Variants in VWA3B observed in about 807,000 individuals in gnomAD.
VWA3B encodes the protein von Willebrand factor A domain containing 3B.
Under a neutral mutation model 158.3 loss-of-function variants are expected in VWA3B, and 138 were observed. The observed-to-expected ratio is 0.87, with a 90% CI of 0.76 to 1.00. VWA3B has a LOEUF of 1.00. Among genes scored for constraint, VWA3B ranks in the 50% least tolerant of loss-of-function variants. VWA3B has a pLI of 0.00. For synonymous variants in VWA3B, 596 were observed against 587.3 expected, an observed-to-expected ratio of 1.01 and a Z score of -0.21; for missense variants, 1,555 against 1,565.1, an observed-to-expected ratio of 0.99 and a Z score of 0.11.
chr2:98,289,840 A>T (rs1189975126), intron 22 of VWA3B, among the ~76,000 whole-genome samples: 1 of 152,016 alleles, frequency 6.6e-6, no homozygotes, highest in African/African-American at 2.4e-5. Flanking sequence ...TGCATATGTA[A>T]TTTTTCTTTA....
At chr2:98,327,838 G>A in the VWA3B span, among the ~76,000 whole-genome samples, 10 of 152,254 alleles carry the variant, frequency 6.6e-5, no homozygotes, top group African/African-American at 1.4e-4. Flanking sequence ...ACAAGCATAC[G>A]TTCAGCCATT....
At position 98,228,327 on chromosome 2, in the gene VWA3B, C is replaced by T; in HGVS notation, c.2145C>T (p.Asp715=). The change falls in exon 15 of 28, where the codon GAC becomes GAT. Residue 715 remains aspartate (D), a synonymous_variant. Coordinates refer to ENST00000477737, the MANE Select transcript of VWA3B (RefSeq NM_144992.5). The part of the protein sequence containing the change: ...DWWYNAEKDG[D]SKHQKEICSM... ...GGTACAATGCAGAAAAGGATGGAGA[C>T]AGCAAGTGAGCACCTCTGCCCGCCT... is the stretch of plus-strand genomic sequence containing the variant. The T allele has an allele frequency of 6.2e-7, 1 of 1,612,680 alleles. No individual in the cohort carries two copies. Among genetic ancestry groups the T allele is most frequent in the Non-Finnish European group, 8.5e-7 (1 of 1,179,190 alleles).
intron 22 of VWA3B, among the ~76,000 whole-genome samples, chr2:98,285,952 CAAT>C (rs1558762282): frequency 6.6e-6 from 1 of 152,036 alleles, no homozygotes; most frequent in African/African-American, 2.4e-5. Context: ...TGATTTCTCT[CAAT>C]GATATTTTTT....
intron 19 of VWA3B, among the ~76,000 whole-genome samples, chr2:98,246,368 A>T (rs1257607620): frequency 1.3e-5 from 2 of 151,686 alleles, no homozygotes; most frequent in African/African-American, 4.8e-5. Flanking sequence ...ATACATTTTA[A>T]TTTTTATTTA....
At chr2:98,238,452 T>C (rs1685853067) in intron 19 of VWA3B, among the ~76,000 whole-genome samples, 1 of 152,234 alleles carries the variant, frequency 6.6e-6, no homozygotes, top group African/African-American at 2.4e-5. Context: ...TATATTACTA[T>C]TCTTGAGTTT....
intron 7 of VWA3B, among the ~76,000 whole-genome samples, chr2:98,150,698 C>T (rs1175609039): frequency 6.6e-6 from 1 of 152,214 alleles, no homozygotes; most frequent in Non-Finnish European, 1.5e-5. Flanking sequence ...CCTGTGCCTG[C>T]CTACATGGTG....
chr2:98,229,611 T>G (rs893334964), intron 15 of VWA3B, among the ~76,000 whole-genome samples: 5 of 152,192 alleles, frequency 3.3e-5, no homozygotes, highest in African/African-American at 4.8e-5. Flanking sequence ...CTTTTATAAG[T>G]GCTTGCTGGT....
At chr2:98,151,206 G>A (rs553692732) in intron 7 of VWA3B, among the ~76,000 whole-genome samples, 41 of 151,952 alleles carry the variant, frequency 2.7e-4, no homozygotes, top group African/African-American at 9.9e-4. Flanking sequence ...TCCACCTCCT[G>A]GGTTCAAGCG....
At chr2:98,233,456 C>T (rs1685469507) in intron 16 of VWA3B, among the ~76,000 whole-genome samples, 2 of 152,096 alleles carry the variant, frequency 1.3e-5, no homozygotes, top group African/African-American at 4.8e-5. Context: ...ATTGTTTTGC[C>T]TGGTAATGTT....
chr2:98,302,090 C>A (rs181306406), intron 25 of VWA3B, among the ~76,000 whole-genome samples: 19 of 152,246 alleles, frequency 1.2e-4, no homozygotes, highest in Non-Finnish European at 2.2e-4. Context: ...CCCAGTGTGG[C>A]CCCAGCCGGC....
At chr2:98,272,209 C>T (rs1348789732) in intron 22 of VWA3B, among the ~76,000 whole-genome samples, 1 of 152,250 alleles carries the variant, frequency 6.6e-6, no homozygotes, top group African/African-American at 2.4e-5. Flanking sequence ...TTCTGACTGA[C>T]CCGCTTCAAG....
At chr2:98,152,209 G>C (rs1677693760) in intron 7 of VWA3B, among the ~76,000 whole-genome samples, 1 of 152,232 alleles carries the variant, frequency 6.6e-6, no homozygotes, top group African/African-American at 2.4e-5. Context: ...CATGGGGCCT[G>C]TTCTGGGTGT....
chr2:98,184,405 T>A (rs113163979), intron 9 of VWA3B, among the ~76,000 whole-genome samples: 25 of 152,352 alleles, frequency 1.6e-4, no homozygotes, highest in African/African-American at 4.8e-4. Flanking sequence ...TGCAGTTAAC[T>A]GTACTGGCAG....
intron 12 of VWA3B, among the ~76,000 whole-genome samples, chr2:98,199,554 C>T (rs986292198): frequency 3.3e-5 from 5 of 152,180 alleles, no homozygotes; most frequent in African/African-American, 9.7e-5. Context: ...GACTCTTGCT[C>T]ATGCATTAGG....
chr2:98,127,262 A>G (rs979107808), intron 5 of VWA3B, among the ~76,000 whole-genome samples: 8 of 152,190 alleles, frequency 5.3e-5, no homozygotes, highest in Non-Finnish European at 1.2e-4. Context: ...AGAAATGCAC[A>G]CATAGTTGGA....
intron 20 of VWA3B, among the ~76,000 whole-genome samples, chr2:98,255,372 G>A (rs1687068028): frequency 6.6e-6 from 1 of 151,558 alleles, no homozygotes; most frequent in African/African-American, 2.4e-5. Context: ...TCACAACCCT[G>A]GAGCCAGTGT....
chr2:98,303,555 G>T, intron 25 of VWA3B, 147 bp from the exon 26 acceptor site: 1 of 679,874 alleles, frequency 1.5e-6, no homozygotes, highest in Non-Finnish European at 2.5e-6. Flanking sequence ...TCAAGTGAGG[G>T]TCTGAATTTG....
chr2:98,134,430 G>C (rs1173134514), intron 7 of VWA3B, among the ~76,000 whole-genome samples: 1 of 152,178 alleles, frequency 6.6e-6, no homozygotes, highest in Non-Finnish European at 1.5e-5. Flanking sequence ...TTCATTCAAT[G>C]AATGTGATCA....
rs774574585 is a variant in VWA3B, at chr2:98,270,642, T to C, written c.2844-40T>C. On this transcript the variant is annotated intron_variant, in intron 21 of 27. Coordinates refer to ENST00000477737, the MANE Select transcript of VWA3B (RefSeq NM_144992.5). The stretch of plus-strand genomic sequence containing the variant: ...TTATAGTCATTTTCTTTGCTTTTTG[T>C]TTCTTCCTCTGTTTGTTTGTTTGTT... 7 of 1,580,102 alleles carry C rather than the reference T, an allele frequency of 4.4e-6. No homozygotes were observed. The South Asian group carries it at 8.1e-5, about 18-fold the overall frequency.
Sources: allele counts gnomAD v4.1 joint callset (sites outside exome capture counted in the v4.1 genomes callset), GRCh38; gene constraint gnomAD v4.1.1; transcripts MANE v1.5; gene names NCBI Gene and HGNC (gene_info 2026-07-23, HGNC 2026-07-21).